Variants in AK8 observed in about 807,000 individuals in gnomAD.
AK8 encodes the protein ATP-AMP transphosphorylase 8.
In AK8, 44 loss-of-function variants were observed where a neutral mutation model predicts 54.6. The ratio of observed to expected loss-of-function variants is 0.81; its 90% CI spans 0.63 to 1.04. The LOEUF is 1.04. AK8 is among the 50% of genes least tolerant of loss of function. The pLI, the probability that AK8 is intolerant of heterozygous loss-of-function variation, is 0.00. For missense variants in AK8, 555 were observed against 613.6 expected (o/e 0.90, Z 1.01); for synonymous variants, 239 against 245.6 (o/e 0.97, Z 0.25).
intron 12 of AK8, among the ~76,000 whole-genome samples, chr9:132,726,575 C>T (rs1836585301): frequency 6.6e-6 from 1 of 152,176 alleles, no homozygotes; most frequent in African/African-American, 2.4e-5. Flanking sequence ...GCCTCTTGTT[C>T]CTTTTTCCTC....
chr9:132,797,914 C>T (rs939560756), intron 10 of AK8, among the ~76,000 whole-genome samples: 3 of 152,224 alleles, frequency 2.0e-5, no homozygotes, highest in Admixed American at 6.5e-5. Flanking sequence ...CCTGGCATCA[C>T]GGGCACTTGC....
At chr9:132,797,917 G>C (rs1840251437) in intron 10 of AK8, among the ~76,000 whole-genome samples, 1 of 152,202 alleles carries the variant, frequency 6.6e-6, no homozygotes, top group East Asian at 1.9e-4. Flanking sequence ...GGCATCACGG[G>C]CACTTGCCCA....
intron 6 of AK8, 72 bp from the exon 7 acceptor site, chr9:132,828,156 C>T: frequency 7.5e-7 from 1 of 1,334,432 alleles, no homozygotes; most frequent in South Asian, 1.3e-5. Context: ...ATATCACAGA[C>T]CAATACTTGC....
intron 10 of AK8, among the ~76,000 whole-genome samples, chr9:132,800,316 T>C (rs1588144558): frequency 6.6e-6 from 1 of 152,312 alleles, no homozygotes; most frequent in Middle Eastern, 3.4e-3. Flanking sequence ...GTTTGTTTGT[T>C]ATTTACTACC....
At chr9:132,768,820 G>T (rs1211361433) in intron 11 of AK8, 1 of 152,178 alleles carries the variant, frequency 6.6e-6, no homozygotes, top group Non-Finnish European at 1.5e-5. Context: ...TTTATGCAGT[G>T]ATAGGGAAAG....
intron 5 of AK8, among the ~76,000 whole-genome samples, chr9:132,846,824 C>G (rs1260757819): frequency 1.3e-5 from 2 of 152,242 alleles, no homozygotes; most frequent in African/African-American, 4.8e-5. Context: ...CTGCCGCTTC[C>G]CCCGGTGTGG....
rs1413192197 is a variant in AK8 at position 132,790,870 on chromosome 9, C to T, written c.1121+1764G>A. The stretch of plus-strand genomic sequence containing the variant: ...AAAATAAGTAAGCCAAAATCAATGT[C>T]TTTTGTATACTCTTGAAAAACCCCC... On this transcript the variant is annotated intron_variant, in intron 11 of 12. Transcript: ENST00000298545. This position sits in a 1 kb window ranked among gnomAD's most constrained non-coding sequence, Gnocchi z 4.1. 6.6e-6 allele frequency among the ~76,000 whole-genome samples: 1 copy of T among 151,952 alleles called. No homozygotes were observed. Among genetic ancestry groups the T allele is most frequent in the African/African-American group, 2.4e-5 (1 of 41,352 alleles).
chr9:132,827,114 G>A, intron 7 of AK8, 60 bp from the exon 8 acceptor site: 1 of 1,555,410 alleles, frequency 6.4e-7, no homozygotes, highest in Non-Finnish European at 8.9e-7. Context: ...GGGCGCTGCT[G>A]TGCCTGGCTG....
chr9:132,856,176 G>C (rs1326969279), intron 4 of AK8, among the ~76,000 whole-genome samples: 1 of 152,142 alleles, frequency 6.6e-6, no homozygotes, highest in African/African-American at 2.4e-5. Context: ...CCACATTTCT[G>C]AAAAAGGACA....
chr9:132,863,286 G>A (rs370464491), intron 4 of AK8, among the ~76,000 whole-genome samples: 8 of 152,220 alleles, frequency 5.3e-5, no homozygotes, highest in Admixed American at 1.3e-4. Context: ...AACTGCTGGC[G>A]CAGCCCAACC....
At chr9:132,735,148 T>C (rs890965935) in intron 11 of AK8, among the ~76,000 whole-genome samples, 3 of 152,198 alleles carry the variant, frequency 2.0e-5, no homozygotes, top group African/African-American at 4.8e-5. Context: ...GAGGGGTTCA[T>C]ACTCTGTCAC....
chr9:132,838,019 C>A (rs1376843940), intron 5 of AK8, among the ~76,000 whole-genome samples: 1 of 152,220 alleles, frequency 6.6e-6, no homozygotes, highest in Non-Finnish European at 1.5e-5. Context: ...CAAGTGACAT[C>A]TATAAACCCG....
Position 132,799,758 on chromosome 9 carries a change from C to T in AK8, c.980-6983G>A, listed in dbSNP as rs1162711696. 6.6e-6 allele frequency among the ~76,000 whole-genome samples: 1 copy of T among 152,190 alleles called. No homozygotes were observed. Among genetic ancestry groups the T allele is most frequent in the East Asian group, 1.9e-4 (1 of 5,190 alleles). On this transcript the variant is annotated intron_variant, in intron 10 of 12. Transcript: ENST00000298545. The surrounding 1 kb of genome is among the most constrained non-coding windows in gnomAD (Gnocchi z 5.0). ...CCTACATACCTACACCGCACCCACA[C>T]TGCCTCTCCTCATCCCTCACATTCG...
At chr9:132,737,352 C>T (rs1278629740) in intron 11 of AK8, among the ~76,000 whole-genome samples, 7 of 152,160 alleles carry the variant, frequency 4.6e-5, no homozygotes, top group Non-Finnish European at 7.4e-5. Context: ...ACTACATAAA[C>T]TCTTTCAGAA....
intron 11 of AK8, among the ~76,000 whole-genome samples, chr9:132,746,499 C>A (rs539989635): frequency 6.6e-6 from 1 of 152,220 alleles, no homozygotes; most frequent in East Asian, 1.9e-4. Context: ...GGCACTAACC[C>A]GTGGCCTTAG....
chr9:132,816,739 A>G (rs1744821920), intron 9 of AK8, among the ~76,000 whole-genome samples: 1 of 152,228 alleles, frequency 6.6e-6, no homozygotes, highest in Non-Finnish European at 1.5e-5. Flanking sequence ...CTTGAGAGGC[A>G]GGAAACATAC....
Position 132,799,243 on chromosome 9 carries a change from G to T in AK8, c.980-6468C>A, listed in dbSNP as rs1269493451. Among the ~76,000 whole-genome samples, 1 of 152,272 alleles carries T rather than the reference G, an allele frequency of 6.6e-6. No homozygotes were observed. Among genetic ancestry groups the T allele is most frequent in the East Asian group, 1.9e-4 (1 of 5,184 alleles). On this transcript the variant is annotated intron_variant, in intron 10 of 12. Coordinates refer to ENST00000298545, the MANE Select transcript of AK8 (RefSeq NM_152572.3). The surrounding 1 kb of genome is among the most constrained non-coding windows in gnomAD (Gnocchi z 5.0). ...TTTCTGCCCATCAGTTATTGTTGAG[G>T]GAGAAGATATGAGGGACACTAAGGT...
At chr9:132,849,265 A>G (rs1384418259) in intron 5 of AK8, among the ~76,000 whole-genome samples, 2 of 152,262 alleles carry the variant, frequency 1.3e-5, no homozygotes, top group East Asian at 3.9e-4. Context: ...TTCATGATCA[A>G]TGTGAAAGTG....
chr9:132,774,498 G>A lies in AK8; in HGVS notation c.1121+18136C>T, dbSNP rs562713915. On this transcript the variant is annotated intron_variant, in intron 11 of 12. Transcript: ENST00000298545. ...GCTCAAGCTTTTAAAGCACAGTGCCGGGTTCAGCAGTTCAGCACTTTAGTT... is the reference window on the plus strand; with the variant it reads ...GCTCAAGCTTTTAAAGCACAGTGCCAGGTTCAGCAGTTCAGCACTTTAGTT... Among the ~76,000 whole-genome samples the A allele has an allele frequency of 3.6e-3, 544 of 152,170 alleles. 2 individuals carry two copies. The highest frequency in any genetic ancestry group is 6.1e-3 in the Non-Finnish European group (412 of 68,024).
Sources: gnomAD v4.1 joint callset for allele counts (sites outside exome capture counted in the v4.1 genomes callset) on GRCh38, gnomAD v4.1.1 for gene constraint, Gnocchi (gnomAD v3.1) non-coding constraint, MANE v1.5 for transcripts, NCBI Gene and HGNC (gene_info 2026-07-23, HGNC 2026-07-21) for gene names.